Variants in PWWP2A observed in about 807,000 individuals in gnomAD.
The protein encoded by PWWP2A is PWWP domain containing 2A, also known as PWWP domain-containing protein 2A.
PWWP2A carries 18 observed loss-of-function variants against 48.5 expected under a neutral mutation model. That is an observed-to-expected ratio of 0.37 (90% CI 0.26 to 0.55). The LOEUF (loss-of-function observed/expected upper bound fraction) is 0.55, where lower values mean the gene tolerates loss of function less well. PWWP2A is among the 20% of genes least tolerant of loss of function. The pLI, the probability that PWWP2A is intolerant of heterozygous loss-of-function variation, is 0.81. For missense variants in PWWP2A, 867 were observed against 976.4 expected, an observed-to-expected ratio of 0.89 and a Z score of 1.49; for synonymous variants, 396 against 387.7, an observed-to-expected ratio of 1.02 and a Z score of -0.25.
intron 1 of PWWP2A, among the ~76,000 whole-genome samples, chr5:160,100,514 C>A (rs1038091018): frequency 4.6e-5 from 7 of 152,160 alleles, no homozygotes; most frequent in Non-Finnish European, 1.0e-4. Flanking sequence ...TGCCTATAAT[C>A]CCTGCACTTT....
At chr5:160,109,613 A>G (rs1296858161) in intron 1 of PWWP2A, among the ~76,000 whole-genome samples, 1 of 151,372 alleles carries the variant, frequency 6.6e-6, no homozygotes, top group Non-Finnish European at 1.5e-5. Flanking sequence ...AGCAGGTAAG[A>G]CATCCATAAT....
At chr5:160,116,626 T>A (rs1164162149) in intron 1 of PWWP2A, 1 of 982,628 alleles carries the variant, frequency 1.0e-6, no homozygotes, top group South Asian at 4.7e-5. Flanking sequence ...TAAAGAAAAT[T>A]TTTTAAAAAT....
intron 1 of PWWP2A, among the ~76,000 whole-genome samples, chr5:160,104,122 C>CAAAAAAAAAAAAAAAA: frequency 1.6e-5 from 1 of 61,758 alleles, no homozygotes; most frequent in Non-Finnish European, 2.9e-5. Flanking sequence ...GACTCTGTCT[C>CAAAAAAAAAAAAAAAA]AAAAAAAAAA....
Position 160,093,848 on chromosome 5 carries a change from C to A in PWWP2A, c.802G>T (p.Glu268Ter). The A allele has an allele frequency of 6.2e-7, 1 of 1,614,002 alleles. No individual in the cohort carries two copies. Among genetic ancestry groups the A allele is most frequent in the Non-Finnish European group, 8.5e-7 (1 of 1,179,892 alleles). ...AAAGGGGGAGGATAAGGTGCTCCTT[C>A]ATGGAAGAGAGGTGGTGGTTTGGAA... ...WTSKPPPLFH[E>*]GAPYPPPLFI... The change falls in exon 2 of 2, where the codon GAA (glutamate) becomes TAA (stop). Residue 268 changes from glutamate to a stop codon, truncating the protein, a stop_gained. Coordinates refer to ENST00000307063, the MANE Select transcript of PWWP2A (RefSeq NM_001130864.2). LOFTEE classifies it high-confidence loss of function. The surrounding 1 kb of genome is among the most constrained non-coding windows in gnomAD (Gnocchi z 5.8).
downstream of PWWP2A, among the ~76,000 whole-genome samples, chr5:160,086,844 C>G (rs1439187641): frequency 1.3e-5 from 2 of 152,214 alleles, no homozygotes; most frequent in Admixed American, 6.5e-5. Context: ...AATTAAACTA[C>G]TTTCCAAGTT....
At chr5:160,117,803 CA>C (rs749086794) in intron 1 of PWWP2A, 37 of 809,922 alleles carry the variant, frequency 4.6e-5, no homozygotes, top group Non-Finnish European at 5.5e-5. Flanking sequence ...GATGGGAGAG[CA>C]AGCAAGTTTA....
chr5:160,064,071 C>A (rs1184454467), intron 4 of PWWP2A, among the ~76,000 whole-genome samples: 2 of 147,134 alleles, frequency 1.4e-5, no homozygotes, highest in African/African-American at 2.5e-5. Context: ...CAGGTGCAAA[C>A]GATTGTCCTG....
At chr5:160,080,717 A>C in exon 3 of PWWP2A, 1 of 1,574,606 alleles carries the variant, frequency 6.4e-7, no homozygotes, top group Non-Finnish European at 8.6e-7. Context: ...AGACACTGTA[A>C]GGGAGCAGCA....
intron 3 of PWWP2A, among the ~76,000 whole-genome samples, chr5:160,079,233 T>A (rs1328431093): frequency 2.6e-5 from 4 of 151,484 alleles, no homozygotes; most frequent in Non-Finnish European, 5.9e-5. Flanking sequence ...TCACAGGAGG[T>A]ACCTTCCCCA....
At chr5:160,099,598 G>A (rs1308790172) in intron 1 of PWWP2A, among the ~76,000 whole-genome samples, 3 of 152,030 alleles carry the variant, frequency 2.0e-5, no homozygotes, top group East Asian at 3.9e-4. Flanking sequence ...TGGGATTAGA[G>A]GTGTGAGCCA....
Position 160,093,318 on chromosome 5 carries a change from A to C in PWWP2A, c.1332T>G (p.Asn444Lys), listed in dbSNP as rs747639852. Residue 444 changes from asparagine (N) to lysine (K), a missense_variant, in exon 2 of 2, where the codon AAT (asparagine) becomes AAG (lysine). Asn to Lys is a moderately conservative substitution (Grantham distance 94, BLOSUM62 0). This residue lies in a region of PWWP2A where 382 missense variants were observed against 407.2 expected (regional missense o/e 0.94). Coordinates refer to ENST00000307063, the MANE Select transcript of PWWP2A (RefSeq NM_001130864.2). The surrounding 1 kb of genome is among the most constrained non-coding windows in gnomAD (Gnocchi z 5.8). The stretch of plus-strand genomic sequence containing the variant: ...GTGCATTTTTGGAAGTAGAGGTTTC[A>C]TTTTGCTTCTTTTGTGCCTTTTCTT... ...IAKEKAQKKQ[N>K]ETSTSKNAHS... 2 of 1,613,784 alleles carry C rather than the reference A, an allele frequency of 1.2e-6. No individual in the cohort carries two copies. Among genetic ancestry groups the C allele is most frequent in the Admixed American group, 3.3e-5 (2 of 59,998 alleles).
chr5:160,078,110 G>A lies in PWWP2A; in HGVS notation c.*45C>T. 2 of 1,507,738 alleles carry A rather than the reference G, an allele frequency of 1.3e-6. No homozygotes were observed. The highest frequency in any genetic ancestry group is 1.8e-6 in the Non-Finnish European group (2 of 1,105,174). 93.4% of individuals were successfully genotyped at this position (1,507,738 alleles called of 1,614,324 possible). On this transcript the variant is annotated 3_prime_UTR_variant, in exon 4 of 4. Transcript: ENST00000456329. This position sits in a 1 kb window ranked among gnomAD's most constrained non-coding sequence, Gnocchi z 4.2. ...TTTCATTCAGTCCTGATGCTCTGGT[G>A]TTCTCTGTGTCATTGTGGTACAGGT...
rs1755069951 is a variant in PWWP2A, at chr5:160,091,555, T to C, written c.*827A>G. 1.5e-5 allele frequency: 15 copies of C among 984,524 alleles called. No homozygotes were observed. In the South Asian group the frequency reaches 6.1e-4, roughly 40 times the overall value. 61.0% of individuals were successfully genotyped at this position (984,524 alleles called of 1,614,324 possible). A position where few individuals can be genotyped will look rare whatever the true frequency, so the allele number is the denominator to read the frequency against. Reference sequence around the variant, plus strand: ...CACAAAGTATAATTTTACTGGGACATATCCTAAGAATTTAGGAACAGCCAG... The same window carrying C: ...CACAAAGTATAATTTTACTGGGACACATCCTAAGAATTTAGGAACAGCCAG... On this transcript the variant is annotated 3_prime_UTR_variant, in exon 2 of 2. Transcript: ENST00000307063.
Position 160,119,353 on chromosome 5 carries a change from T to G in PWWP2A, c.36A>C (p.Ala12=). 1 of 1,385,050 alleles carries G rather than the reference T, an allele frequency of 7.2e-7. No individual in the cohort carries two copies. Among genetic ancestry groups the G allele is most frequent in the Non-Finnish European group, 9.3e-7 (1 of 1,075,792 alleles). The allele number at this position is 1,385,050 out of a possible 1,614,324, so 85.8% of individuals were successfully genotyped here. A position where few individuals can be genotyped will look rare whatever the true frequency, so the allele number is the denominator to read the frequency against. The change falls in exon 1 of 2, where the codon GCA becomes GCC. Residue 12 remains alanine, a synonymous_variant. Coordinates refer to ENST00000307063, the MANE Select transcript of PWWP2A (RefSeq NM_001130864.2). ...CGGCGCCCCCCTCCCCGGGGGACGCTGCAGTCGCTGCCGCCTCTGCAGCCA... is the reference window on the plus strand; with the variant it reads ...CGGCGCCCCCCTCCCCGGGGGACGCGGCAGTCGCTGCCGCCTCTGCAGCCA... ...AAVAAEAAAT[A]ASPGEGGAGE... is the part of the protein sequence containing the mutation.
Position 160,091,381 on chromosome 5 carries a change from T to G in PWWP2A, c.*1001A>C, listed in dbSNP as rs886728237. ...TTATTTACAGCTTTTTTTTGGTTTT[T>G]TTTTTTTTTTTTACATTTCAGAGCA... On this transcript the variant is annotated 3_prime_UTR_variant, in exon 2 of 2. Transcript: ENST00000307063. 3.1e-6 allele frequency: 3 copies of G among 977,014 alleles called. No homozygotes were observed. The highest frequency in any genetic ancestry group is 3.6e-6 in the Non-Finnish European group (3 of 822,944). 60.5% of individuals were successfully genotyped at this position (977,014 alleles called of 1,614,324 possible). A position where few individuals can be genotyped will look rare whatever the true frequency, so the allele number is the denominator to read the frequency against.
chr5:160,119,175 G>C lies in PWWP2A; in HGVS notation c.214C>G (p.Pro72Ala), dbSNP rs926773181. 1 of 1,504,426 alleles carries C rather than the reference G, an allele frequency of 6.6e-7. No individual in the cohort carries two copies. The highest frequency in any genetic ancestry group is 8.8e-7 in the Non-Finnish European group (1 of 1,141,162). 93.2% of individuals were successfully genotyped at this position (1,504,426 alleles called of 1,614,324 possible). The change falls in exon 1 of 2, where the codon CCG becomes GCG. Residue 72 changes from proline to alanine, a missense_variant. By Grantham distance (27) the Pro-to-Ala change is conservative. This residue lies in a region of PWWP2A where 385 missense variants were observed against 396.9 expected (regional missense o/e 0.97). Transcript: ENST00000307063. ...QADEPPLPPP[P>A]PPPGELARSP... Reference sequence around the variant, plus strand: ...CGGGCGAGCTCCCCCGGCGGCGGCGGTGGCGGCGGGAGCGGCGGCTCGTCG... The same window carrying C: ...CGGGCGAGCTCCCCCGGCGGCGGCGCTGGCGGCGGGAGCGGCGGCTCGTCG...
At chr5:160,096,012 A>G (rs191836379) in intron 1 of PWWP2A, among the ~76,000 whole-genome samples, 2 of 152,162 alleles carry the variant, frequency 1.3e-5, no homozygotes, top group Non-Finnish European at 2.9e-5. Flanking sequence ...GCTCCCAAAA[A>G]GGTTCAGAAT....
Position 160,109,822 on chromosome 5 carries a change from A to T in PWWP2A, c.584+8983T>A, listed in dbSNP as rs868536187. ...ATATATATATATAAAATAATATAATAATATATATATATATATATATCCAGA... is the reference window on the plus strand; with the variant it reads ...ATATATATATATAAAATAATATAATTATATATATATATATATATATCCAGA... On this transcript the variant is annotated intron_variant, in intron 1 of 1. Transcript: ENST00000307063. Among the ~76,000 whole-genome samples the T allele has an allele frequency of 4.3e-4, 49 of 114,102 alleles. 1 individual carries two copies. The highest frequency in any genetic ancestry group is 1.9e-3 in the South Asian group (7 of 3,606). 74.9% of individuals were successfully genotyped at this position (114,102 alleles called of 152,430 possible).
At chr5:160,101,187 C>A (rs1581230328) in intron 1 of PWWP2A, among the ~76,000 whole-genome samples, 1 of 152,196 alleles carries the variant, frequency 6.6e-6, no homozygotes, top group African/African-American at 2.4e-5. Flanking sequence ...CCTGTCTCTA[C>A]TAAAAATACA....
Sources: gnomAD v4.1 joint callset for allele counts (sites outside exome capture counted in the v4.1 genomes callset) on GRCh38, gnomAD v4.1.1 for gene constraint, gnomAD v4.1.1 regional missense constraint, Gnocchi (gnomAD v3.1) non-coding constraint, MANE v1.5 for transcripts, NCBI Gene and HGNC (gene_info 2026-07-23, HGNC 2026-07-21) for gene names.